The following DNAJC24 variants were observed in gnomAD, a reference collection of about 807,000 sequenced individuals.
The protein encoded by DNAJC24 is dnaJ homolog subfamily C member 24.
In DNAJC24, 17 loss-of-function variants were observed where a neutral mutation model predicts 18.0. The observed-to-expected ratio is 0.94, with a 90% CI of 0.65 to 1.42. The LOEUF is 1.42. DNAJC24 is among the 40% of genes most tolerant of loss of function. DNAJC24 has a pLI of 0.00. For missense variants in DNAJC24, 158 were observed against 175.6 expected (o/e 0.90, Z 0.57); for synonymous variants, 55 against 57.7 (o/e 0.95, Z 0.21).
chr11:31,427,040 T>A (rs1295353423), intron 4 of DNAJC24: 2 of 152,152 alleles, frequency 1.3e-5, no homozygotes, highest in Admixed American at 1.3e-4. Context: ...AAGCCATGAG[T>A]ACCATACTTA....
chr11:31,379,333 C>G (rs764324526), intron 2 of DNAJC24, among the ~76,000 whole-genome samples: 2 of 152,108 alleles, frequency 1.3e-5, no homozygotes, highest in East Asian at 1.9e-4. Flanking sequence ...GTCGCACATT[C>G]CTTATGAGAA....
chr11:31,400,569 C>T (rs1422620650), intron 2 of DNAJC24, among the ~76,000 whole-genome samples: 1 of 152,136 alleles, frequency 6.6e-6, no homozygotes, highest in African/African-American at 2.4e-5. Context: ...TTGGAAATAA[C>T]ACCACACATC....
At chr11:31,376,058 G>A (rs555903983) in intron 2 of DNAJC24, among the ~76,000 whole-genome samples, 1 of 84,296 alleles carries the variant, frequency 1.2e-5, no homozygotes, top group Non-Finnish European at 3.5e-5. Flanking sequence ...ATGGGGTGGC[G>A]AGGAGGGGGT....
At chr11:31,375,253 C>T (rs1314344207) in intron 2 of DNAJC24, among the ~76,000 whole-genome samples, 1 of 135,444 alleles carries the variant, frequency 7.4e-6, no homozygotes, top group Non-Finnish European at 1.7e-5. Context: ...CTTCTGTGGC[C>T]ATATGCCTTT....
chr11:31,385,073 CTT>C (rs1952414717), intron 2 of DNAJC24: 1 of 152,176 alleles, frequency 6.6e-6, no homozygotes, highest in South Asian at 2.1e-4. Context: ...ATCACAGTGA[CTT>C]TTGCACACTA....
intron 2 of DNAJC24, among the ~76,000 whole-genome samples, chr11:31,391,757 A>C (rs1181989608): frequency 6.6e-6 from 1 of 152,158 alleles, no homozygotes; most frequent in Non-Finnish European, 1.5e-5. Flanking sequence ...TGCTAGATAT[A>C]CTCCAGAAAA....
At chr11:31,397,211 C>T (rs1040576070) in intron 2 of DNAJC24, among the ~76,000 whole-genome samples, 1 of 152,162 alleles carries the variant, frequency 6.6e-6, no homozygotes, top group Non-Finnish European at 1.5e-5. Context: ...ATCATGGTAT[C>T]TTCATTGGCT....
At chr11:31,400,773 A>T (rs4922863) in intron 2 of DNAJC24, among the ~76,000 whole-genome samples, 1 of 152,206 alleles carries the variant, frequency 6.6e-6, no homozygotes, top group Non-Finnish European at 1.5e-5. Flanking sequence ...ACCATTAAAA[A>T]CCTAGAAGAA....
chr11:31,425,940 GACAA>G (rs372147988), intron 3 of DNAJC24, among the ~76,000 whole-genome samples: 25 of 152,146 alleles, frequency 1.6e-4, no homozygotes, highest in South Asian at 6.2e-4. Flanking sequence ...TCTGACAAAA[GACAA>G]ACAAACAAAC....
At chr11:31,396,044 A>G (rs1952540200) in intron 2 of DNAJC24, among the ~76,000 whole-genome samples, 1 of 152,148 alleles carries the variant, frequency 6.6e-6, no homozygotes. Flanking sequence ...TTCTTGCCAA[A>G]CATTAATTGT....
chr11:31,431,495 TCC>T lies in DNAJC24; in HGVS notation c.*1097_*1098del, dbSNP rs1274028699. The T allele has an allele frequency of 6.6e-6, 1 of 150,890 alleles. No homozygotes were observed. Among genetic ancestry groups the T allele is most frequent in the Non-Finnish European group, 1.5e-5 (1 of 67,718 alleles). The allele number at this position is 150,890 out of a possible 1,614,324, so 9.3% of individuals were successfully genotyped here. A position where few individuals can be genotyped will look rare whatever the true frequency, so the allele number is the denominator to read the frequency against. On this transcript the variant is annotated 3_prime_UTR_variant, in exon 5 of 5. Transcript: ENST00000465995. ...ATGACTTGGAAGTTGGTGCATTATT[TCC>T]CCTTTTATTTTGGAGTGTTGATATA...
At chr11:31,393,414 CTGTCTAAAACTCA>C (rs1240410977) in intron 2 of DNAJC24, among the ~76,000 whole-genome samples, 1 of 152,152 alleles carries the variant, frequency 6.6e-6, no homozygotes, top group African/African-American at 2.4e-5. Flanking sequence ...AATATTTGTC[CTGTCTAAAACTCA>C]TGTTGATATT....
intron 2 of DNAJC24, among the ~76,000 whole-genome samples, chr11:31,374,405 T>C (rs1952293371): frequency 1.5e-5 from 2 of 133,596 alleles, no homozygotes; most frequent in African/African-American, 2.5e-5. Context: ...ATCACGTAGA[T>C]TTTTCTTAAG....
At chr11:31,407,706 A>AAAT in intron 2 of DNAJC24, among the ~76,000 whole-genome samples, 1 of 61,694 alleles carries the variant, frequency 1.6e-5, no homozygotes, top group African/African-American at 8.9e-5. Context: ...AAAAAAAAAA[A>AAAT]ATATATATAT....
At chr11:31,422,053 C>A in intron 3 of DNAJC24, 1 of 388,558 alleles carries the variant, frequency 2.6e-6, no homozygotes, top group South Asian at 2.0e-5. Context: ...AATTCTTTCA[C>A]CTCTTGTTGT....
chr11:31,425,288 C>A (rs1401024906), intron 3 of DNAJC24, among the ~76,000 whole-genome samples: 1 of 152,114 alleles, frequency 6.6e-6, no homozygotes, highest in Non-Finnish European at 1.5e-5. Context: ...TAATCTCTTG[C>A]AAACAATCAA....
intron 2 of DNAJC24, among the ~76,000 whole-genome samples, chr11:31,385,770 A>C (rs1211325440): frequency 3.9e-5 from 6 of 152,218 alleles, no homozygotes; most frequent in African/African-American, 1.4e-4. Flanking sequence ...AAGATGGCCG[A>C]ATAGAAGCCT....
At chr11:31,403,404 G>A (rs1315974228) in intron 2 of DNAJC24, among the ~76,000 whole-genome samples, 3 of 152,100 alleles carry the variant, frequency 2.0e-5, no homozygotes, top group Admixed American at 1.3e-4. Context: ...CAGAGGTTAC[G>A]TTACATGCAA....
intron 3 of DNAJC24, among the ~76,000 whole-genome samples, chr11:31,425,530 C>T (rs1281551668): frequency 6.6e-6 from 1 of 152,146 alleles, no homozygotes; most frequent in Non-Finnish European, 1.5e-5. Flanking sequence ...GGGCTCTTTT[C>T]CTGGCTTGCA....
Sources: allele counts gnomAD v4.1 joint callset (sites outside exome capture counted in the v4.1 genomes callset), GRCh38; gene constraint gnomAD v4.1.1; transcripts MANE v1.5; gene names NCBI Gene and HGNC (gene_info 2026-07-23, HGNC 2026-07-21).